LTBP2: variants seen among roughly 807,000 people sequenced by gnomAD.
The protein encoded by LTBP2 is latent-transforming growth factor beta-binding protein 2.
In LTBP2, 103 loss-of-function variants were observed where a neutral mutation model predicts 210.6. The observed-to-expected ratio is 0.49, with a 90% CI of 0.42 to 0.58. The LOEUF is 0.58. Ranked by LOEUF, LTBP2 falls within the 20% of genes least tolerant of loss-of-function variation. LTBP2 has a pLI of 0.00. For missense variants in LTBP2, 2,313 were observed against 2,494.5 expected (o/e 0.93, Z 1.55); for synonymous variants, 1,007 against 1,015.0 (o/e 0.99, Z 0.15).
intron 3 of LTBP2, 129 bp downstream of exon 3, chr14:74,585,725 G>C (rs888836128): frequency 1.2e-5 from 17 of 1,430,092 alleles, no homozygotes; most frequent in Non-Finnish European, 1.4e-5. Flanking sequence ...AGCCAAGGAG[G>C]GTGGGGAGGA....
Position 74,509,942 on chromosome 14 carries a change from G to C in LTBP2, c.3152-83C>G, listed in dbSNP as rs149432185. On this transcript the variant is annotated intron_variant, in intron 20 of 35. Coordinates refer to ENST00000261978, the MANE Select transcript of LTBP2 (RefSeq NM_000428.3). ...TGGCAGGTAGGCAGGGGTGGGGGAA[G>C]GACAGGTCTGGGCAGGGATGTGTTG... The C allele has an allele frequency of 5.4e-4, 878 of 1,611,222 alleles. 17 individuals carry two copies. The East Asian group carries it at 0.019, about 35-fold the overall frequency.
At chr14:74,518,771 CAG>C (rs1345445160) in intron 17 of LTBP2, among the ~76,000 whole-genome samples, 2 of 152,220 alleles carry the variant, frequency 1.3e-5, no homozygotes, top group Non-Finnish European at 2.9e-5. Context: ...GGCCCACAGC[CAG>C]AGATTCTGAT....
At chr14:74,523,416 G>C (rs1469214608) in intron 15 of LTBP2, among the ~76,000 whole-genome samples, 1 of 152,024 alleles carries the variant, frequency 6.6e-6, no homozygotes, top group African/African-American at 2.4e-5. Context: ...CTGTAACAAG[G>C]ATTTTGTGAA....
chr14:74,509,718 G>A lies in LTBP2; in HGVS notation c.3277+16C>T. ...CTATATTCTGTCCCCTTCCACCACT[G>A]CCTCCCCAGGGTTACCTTCACAGGC... On this transcript the variant is annotated intron_variant, in intron 21 of 35. Coordinates refer to ENST00000261978, the MANE Select transcript of LTBP2 (RefSeq NM_000428.3). 1 of 1,613,942 alleles carries A rather than the reference G, an allele frequency of 6.2e-7. No individual in the cohort carries two copies. Among genetic ancestry groups the A allele is most frequent in the Non-Finnish European group, 8.5e-7 (1 of 1,179,976 alleles).
At chr14:74,555,818 A>G in intron 3 of LTBP2, 125 bp from the exon 4 acceptor site, 2 of 635,802 alleles carry the variant, frequency 3.1e-6, no homozygotes, top group South Asian at 7.6e-5. Context: ...CTTCTCACCC[A>G]TGTATGGCTG....
chr14:74,599,579 A>T (rs2088416644), intron 2 of LTBP2, among the ~76,000 whole-genome samples: 1 of 152,250 alleles, frequency 6.6e-6, no homozygotes, highest in Non-Finnish European at 1.5e-5. Context: ...TAAACACATA[A>T]GTCCCGAGAG....
chr14:74,597,137 C>A (rs973367965), intron 2 of LTBP2, among the ~76,000 whole-genome samples: 1 of 152,154 alleles, frequency 6.6e-6, no homozygotes, highest in Admixed American at 6.5e-5. Context: ...GCCAGGGACA[C>A]AGGAGGGGAC....
intron 2 of LTBP2, among the ~76,000 whole-genome samples, chr14:74,594,588 C>T (rs896511384): frequency 6.6e-6 from 1 of 152,216 alleles, no homozygotes; most frequent in Non-Finnish European, 1.5e-5. Context: ...GTTTGCACCT[C>T]ATCCACAGTA....
intron 2 of LTBP2, among the ~76,000 whole-genome samples, chr14:74,598,904 C>T (rs2088407747): frequency 6.6e-6 from 1 of 152,200 alleles, no homozygotes; most frequent in East Asian, 1.9e-4. Context: ...AACCAGGCTA[C>T]CTGGATTCAT....
chr14:74,505,245 T>C, intron 28 of LTBP2, 71 bp from the exon 29 acceptor site: 2 of 1,525,456 alleles, frequency 1.3e-6, no homozygotes, highest in Non-Finnish European at 1.8e-6. Context: ...CTTGACTTTA[T>C]TTCTTAAATT....
At chr14:74,549,191 A>G (rs2359141) in intron 8 of LTBP2, among the ~76,000 whole-genome samples, 124,809 of 152,216 alleles carry the variant, frequency 0.82, 53,797 homozygotes, top group Non-Finnish European at 0.97. Context: ...ACGCACAGGC[A>G]TCTGGTCACC....
chr14:74,509,132 G>A lies in LTBP2; in HGVS notation c.3403+106C>T. ...GTGAGCGACTCTTGGGGAGCGGGAT[G>A]ATGGCAGCTCCTCCAGCCTCAGCAG... On this transcript the variant is annotated intron_variant, in intron 22 of 35. Transcript: ENST00000261978. The A allele has an allele frequency of 3.8e-6, 6 of 1,583,936 alleles. 1 individual carries two copies. The highest frequency in any genetic ancestry group is 3.3e-5 in the South Asian group (3 of 89,756).
At chr14:74,542,150 G>A (rs1271904822) in intron 8 of LTBP2, among the ~76,000 whole-genome samples, 1 of 152,228 alleles carries the variant, frequency 6.6e-6, no homozygotes, top group East Asian at 1.9e-4. Context: ...TGCCCATGAA[G>A]CATGCAGGAC....
chr14:74,513,585 C>T (rs2087098610), intron 18 of LTBP2, among the ~76,000 whole-genome samples: 2 of 152,184 alleles, frequency 1.3e-5, no homozygotes, highest in South Asian at 4.1e-4. Flanking sequence ...GGCGGATCAT[C>T]TGAGGTCAGG....
intron 8 of LTBP2, 77 bp downstream of exon 8, chr14:74,549,786 G>T: frequency 1.6e-6 from 2 of 1,248,458 alleles, no homozygotes; most frequent in Non-Finnish European, 2.4e-6. Context: ...ACATCCTGGA[G>T]GGGAAACCCT....
At chr14:74,506,214 C>T (rs776462467) in intron 27 of LTBP2, 23 bp from the exon 28 acceptor site, 33 of 1,613,892 alleles carry the variant, frequency 2.0e-5, no homozygotes, top group East Asian at 8.9e-5. Flanking sequence ...AGAACAGGCT[C>T]GTGGGCAGAA....
rs182637158 is a variant in LTBP2, at chr14:74,535,150, T to C, written c.1864+776A>G. ...GCCCTTTTGCTTGGCCCCAGCACCT[T>C]TGCTTATCCACGGGCTAGGAATCAC... On this transcript the variant is annotated intron_variant, in intron 9 of 35. Coordinates refer to ENST00000261978, the MANE Select transcript of LTBP2 (RefSeq NM_000428.3). Among the ~76,000 whole-genome samples, 214 of 152,168 alleles carry C rather than the reference T, an allele frequency of 1.4e-3. 1 individual carries two copies. The highest frequency in any genetic ancestry group is 4.7e-3 in the African/African-American group (196 of 41,514).
At chr14:74,520,899 C>T (rs1206187221) in intron 17 of LTBP2, among the ~76,000 whole-genome samples, 4 of 152,244 alleles carry the variant, frequency 2.6e-5, no homozygotes, top group African/African-American at 9.6e-5. Context: ...ACTTGCTCCT[C>T]ATCTGGATCC....
chr14:74,503,903 G>A (rs577221191), intron 31 of LTBP2, 23 bp downstream of exon 31: 1 of 1,613,632 alleles, frequency 6.2e-7, no homozygotes, highest in Non-Finnish European at 8.5e-7. Context: ...TGGGGTGGGG[G>A]CAGGGATCAT....
Sources: allele counts gnomAD v4.1 joint callset (sites outside exome capture counted in the v4.1 genomes callset), GRCh38; gene constraint gnomAD v4.1.1; transcripts MANE v1.5; gene names NCBI Gene and HGNC (gene_info 2026-07-23, HGNC 2026-07-21).